DMD: variants seen among roughly 807,000 people sequenced by gnomAD.
DMD encodes dystrophin, also known as mutant dystrophin.
A neutral mutation model predicts 330.1 loss-of-function variants in DMD; 63 were observed. That is an observed-to-expected ratio of 0.19 (90% CI 0.16 to 0.24). The LOEUF is 0.24. DMD is among the 10% of genes least tolerant of loss of function. The pLI is 1.00. For missense variants in DMD, 3,344 were observed against 2,684.1 expected, an observed-to-expected ratio of 1.25 and a Z score of -5.43; for synonymous variants, 1,223 against 959.8, an observed-to-expected ratio of 1.27 and a Z score of -5.07.
chrX:32,047,486 T>C (rs951169519), intron 44 of DMD, among the ~76,000 whole-genome samples: 1 of 111,947 alleles, frequency 8.9e-6, no homozygotes, highest in Admixed American at 9.5e-5. Context: ...CATTAAAACA[T>C]TCCTAAAATC....
intron 16 of DMD, among the ~76,000 whole-genome samples, chrX:32,556,690 A>C (rs1478542203): frequency 8.9e-6 from 1 of 111,962 alleles, no homozygotes; most frequent in African/African-American, 3.2e-5. Context: ...ATGTCTTTAT[A>C]GCAGTGTAAG....
At chrX:32,850,785 C>T (rs955892712) in intron 2 of DMD, among the ~76,000 whole-genome samples, 2 of 111,810 alleles carry the variant, frequency 1.8e-5, no homozygotes, top group African/African-American at 6.5e-5. Flanking sequence ...AGGTAATTCC[C>T]AGCTTTTTCA....
At chrX:32,540,472 A>G (rs2048387428) in intron 17 of DMD, among the ~76,000 whole-genome samples, 1 of 111,890 alleles carries the variant, frequency 8.9e-6, no homozygotes, top group African/African-American at 3.2e-5. Flanking sequence ...CCTAATGGGT[A>G]AAATTGGAAT....
At chrX:33,242,441 C>A (rs1357289249) in intron 1 of DMD, among the ~76,000 whole-genome samples, 1 of 112,025 alleles carries the variant, frequency 8.9e-6, no homozygotes, top group Non-Finnish European at 1.9e-5. Context: ...CTGTTAATTT[C>A]TTCCTTTTTG....
chrX:32,572,384 A>AT (rs1386490206), intron 15 of DMD, among the ~76,000 whole-genome samples: 1 of 111,530 alleles, frequency 9.0e-6, no homozygotes, highest in Non-Finnish European at 1.9e-5. Context: ...ACTTACAACC[A>AT]TTTTGTTTTA....
intron 61 of DMD, among the ~76,000 whole-genome samples, chrX:31,340,614 A>G (rs2057677244): frequency 8.9e-6 from 1 of 112,103 alleles, no homozygotes; most frequent in Non-Finnish European, 1.9e-5. Context: ...TACATGGTAC[A>G]GTCGACTTTG....
intron 50 of DMD, among the ~76,000 whole-genome samples, chrX:31,801,918 G>A (rs1461858502): frequency 9.0e-6 from 1 of 111,190 alleles, no homozygotes; most frequent in Non-Finnish European, 1.9e-5. Flanking sequence ...TCTTTCCTGA[G>A]TATAACATTT....
chrX:32,588,736 C>A (rs1176387937), intron 13 of DMD, among the ~76,000 whole-genome samples: 5 of 111,204 alleles, frequency 4.5e-5, no homozygotes, highest in Non-Finnish European at 7.5e-5. Context: ...GAAATGTTGA[C>A]AAGAACAAAG....
intron 1 of DMD, among the ~76,000 whole-genome samples, chrX:33,290,277 A>T (rs753830898): frequency 1.8e-5 from 2 of 111,504 alleles, no homozygotes; most frequent in Non-Finnish European, 3.8e-5. Context: ...CTGGTCTTTC[A>T]TCTTTCCTCA....
At chrX:32,743,612 G>A (rs1475852101) in intron 7 of DMD, among the ~76,000 whole-genome samples, 1 of 110,945 alleles carries the variant, frequency 9.0e-6, no homozygotes, top group African/African-American at 3.3e-5. Context: ...ATTTCTGAAT[G>A]CCAAGAAAAG....
At chrX:33,175,641 CAG>C (rs1436051155) in intron 1 of DMD, among the ~76,000 whole-genome samples, 3 of 111,967 alleles carry the variant, frequency 2.7e-5, no homozygotes, top group Non-Finnish European at 5.6e-5. Context: ...ACATTGACTA[CAG>C]AGTCAGACAC....
At chrX:31,206,850 T>C (rs2044191837) in intron 65 of DMD, among the ~76,000 whole-genome samples, 183 bp from the exon 66 acceptor site, 1 of 111,922 alleles carries the variant, frequency 8.9e-6, no homozygotes, top group Admixed American at 9.5e-5. Flanking sequence ...ATTATCTCTT[T>C]GACTGATGAC....
chrX:31,608,042 A>G (rs2077700844), intron 55 of DMD, among the ~76,000 whole-genome samples: 1 of 112,024 alleles, frequency 8.9e-6, no homozygotes, highest in African/African-American at 3.2e-5. Flanking sequence ...TATTTCTAAT[A>G]TTATATAACA....
At chrX:32,150,547 GA>G (rs2096799088) in intron 44 of DMD, among the ~76,000 whole-genome samples, 1 of 111,697 alleles carries the variant, frequency 9.0e-6, no homozygotes, top group African/African-American at 3.3e-5. Context: ...GAACACCATA[GA>G]AGAAGCAATT....
rs764707092 is a variant in DMD at position 31,226,412 on chromosome X, CTT to C, written c.9287-3293_9287-3292del. Among the ~76,000 whole-genome samples, 946 of 112,046 alleles carry C rather than the reference CTT, an allele frequency of 8.4e-3. 5 individuals are homozygous for C. Among genetic ancestry groups the C allele is most frequent in the Middle Eastern group, 0.042 (9 of 216 alleles). On this transcript the variant is annotated intron_variant, in intron 63 of 78. Coordinates refer to ENST00000357033, the MANE Select transcript of DMD (RefSeq NM_004006.3). Reference sequence around the variant, plus strand: ...CCCTCTGGGATATATTTGTGAGTCTCTTGTTTATGATAAATACCAATAAAAAG... The same window carrying C: ...CCCTCTGGGATATATTTGTGAGTCTCGTTTATGATAAATACCAATAAAAAG...
chrX:32,945,843 T>A (rs1023994372), intron 2 of DMD, among the ~76,000 whole-genome samples: 2 of 111,635 alleles, frequency 1.8e-5, no homozygotes, highest in Admixed American at 1.9e-4. Context: ...AGTAGGCATA[T>A]ATGTTTTCCT....
At chrX:32,951,054 CTG>C (rs1447227353) in intron 2 of DMD, among the ~76,000 whole-genome samples, 1 of 111,736 alleles carries the variant, frequency 8.9e-6, no homozygotes, top group Admixed American at 9.6e-5. Context: ...ACACCATAAA[CTG>C]AGAAAATCAT....
intron 1 of DMD, among the ~76,000 whole-genome samples, chrX:33,021,666 T>C (rs776483116): frequency 9.0e-6 from 1 of 111,721 alleles, no homozygotes; most frequent in Non-Finnish European, 1.9e-5. Flanking sequence ...ATTCCTTTAG[T>C]CAATATGAGA....
chrX:32,131,104 G>A (rs913766791), intron 44 of DMD, among the ~76,000 whole-genome samples: 1 of 111,366 alleles, frequency 9.0e-6, no homozygotes, highest in Admixed American at 9.5e-5. Context: ...AGAATCATTT[G>A]AACCCGGGAG....
Sources: gnomAD v4.1 joint callset for allele counts (sites outside exome capture counted in the v4.1 genomes callset) on GRCh38, gnomAD v4.1.1 for gene constraint, MANE v1.5 for transcripts, NCBI Gene and HGNC (gene_info 2026-07-23, HGNC 2026-07-21) for gene names.